The following R3HDM4 variants were observed in gnomAD, a reference collection of about 807,000 sequenced individuals.
R3HDM4 encodes R3H domain containing 4.
In R3HDM4, 30 loss-of-function variants were observed where a neutral mutation model predicts 31.3. The ratio of observed to expected loss-of-function variants is 0.96; its 90% CI spans 0.72 to 1.30. The LOEUF is 1.30. Among genes scored for constraint, R3HDM4 ranks in the 50% most tolerant of loss-of-function variants. The probability of loss-of-function intolerance (pLI) is 0.00; values close to 1 mark genes in which losing one functional copy is unlikely to be tolerated. For synonymous variants in R3HDM4, 196 were observed against 156.6 expected, an observed-to-expected ratio of 1.25 and a Z score of -1.88; for missense variants, 444 against 366.1, an observed-to-expected ratio of 1.21 and a Z score of -1.74.
chr19:902,822 T>G (rs1300964509), intron 1 of R3HDM4, among the ~76,000 whole-genome samples: 1 of 151,750 alleles, frequency 6.6e-6, no homozygotes, highest in East Asian at 1.9e-4. Flanking sequence ...GCGCCTGTAA[T>G]CTCAGCTTAC....
intron 7 of R3HDM4, among the ~76,000 whole-genome samples, chr19:897,966 T>A (rs749234082): frequency 5.3e-5 from 8 of 152,056 alleles, no homozygotes; most frequent in Non-Finnish European, 1.0e-4. Flanking sequence ...TCCCCCTCAC[T>A]GCAGAAAAAT....
intron 1 of R3HDM4, chr19:902,644 T>TA (rs893562163): frequency 6.4e-5 from 9 of 141,674 alleles, no homozygotes; most frequent in South Asian, 2.2e-4. Context: ...CCAAAAAAAA[T>TA]AAAAAAAATT....
At chr19:905,318 G>C (rs1279043425) in intron 1 of R3HDM4, among the ~76,000 whole-genome samples, 1 of 151,722 alleles carries the variant, frequency 6.6e-6, no homozygotes, top group Non-Finnish European at 1.5e-5. Flanking sequence ...CCAACATGGA[G>C]ACACCCCCAT....
At chr19:897,752 C>T (rs867076631) in intron 7 of R3HDM4, among the ~76,000 whole-genome samples, 5 of 152,230 alleles carry the variant, frequency 3.3e-5, no homozygotes, top group Non-Finnish European at 5.9e-5. Flanking sequence ...GCACTCTCCT[C>T]GGGCCCATCT....
chr19:900,417 A>C (rs1401824686), intron 4 of R3HDM4, among the ~76,000 whole-genome samples: 1 of 130,656 alleles, frequency 7.7e-6, no homozygotes, highest in Non-Finnish European at 1.6e-5. Context: ...AGGCCCACAC[A>C]AGCCAGCTAG....
chr19:901,461 G>T lies in R3HDM4; in HGVS notation c.312C>A (p.Gly104=). ...DGDLAPPASP[G]IFAEACNNAT... ...CGTTGTTGCAGGCCTCGGCAAAGAT[G>T]CCTGGTGATGCAGGGGGTGCCAAGT... Residue 104 remains glycine (G), a synonymous_variant, in exon 3 of 8, where the codon GGC becomes GGA. Transcript: ENST00000361574. 1 of 1,609,268 alleles carries T rather than the reference G, an allele frequency of 6.2e-7. No homozygotes were observed.
chr19:898,897 G>A (rs113209450), intron 7 of R3HDM4, among the ~76,000 whole-genome samples: 1,810 of 152,284 alleles, frequency 0.012, 21 homozygotes, highest in Middle Eastern at 0.034. Context: ...AACTCCAGGC[G>A]GGGCGGCAGA....
At chr19:906,283 G>A (rs1217839323) in intron 1 of R3HDM4, among the ~76,000 whole-genome samples, 14 of 144,812 alleles carry the variant, frequency 9.7e-5, no homozygotes, top group Admixed American at 2.8e-4. Flanking sequence ...TCACTGGCTC[G>A]ATCTCAGCTC....
intron 1 of R3HDM4, among the ~76,000 whole-genome samples, chr19:910,990 G>A (rs569171121): frequency 6.6e-6 from 1 of 151,902 alleles, no homozygotes; most frequent in Admixed American, 6.6e-5. Flanking sequence ...GCGCGGTGGC[G>A]GGCACCTGTA....
rs778618754 is a variant in R3HDM4 at position 900,171 on chromosome 19, C to T, written c.476-25G>A. The T allele has an allele frequency of 9.1e-6, 14 of 1,539,354 alleles. No individual in the cohort carries two copies. The South Asian group carries it at 1.7e-4, about 19-fold the overall frequency. ...TCTGCAGGAGTGGGGGAACAAGGGGCAGTCTTGGGGTGCTCGTCCTGGCCC... is the reference window on the plus strand; with the variant it reads ...TCTGCAGGAGTGGGGGAACAAGGGGTAGTCTTGGGGTGCTCGTCCTGGCCC... On this transcript the variant is annotated intron_variant, in intron 4 of 7. Transcript: ENST00000361574.
At chr19:912,012 C>T in intron 1 of R3HDM4, among the ~76,000 whole-genome samples, 1 of 147,510 alleles carries the variant, frequency 6.8e-6, no homozygotes, top group Non-Finnish European at 1.5e-5. Flanking sequence ...GGGCCCAGGA[C>T]CCTCTGGCGG....
At chr19:903,931 A>G (rs1039979620) in intron 1 of R3HDM4, among the ~76,000 whole-genome samples, 16 of 152,164 alleles carry the variant, frequency 1.1e-4, no homozygotes, top group East Asian at 1.9e-4. Context: ...GGCACCTGTA[A>G]TCCCAGCTAC....
intron 1 of R3HDM4, 86 bp from the exon 2 acceptor site, chr19:902,216 G>A: frequency 2.7e-6 from 4 of 1,500,830 alleles, no homozygotes; most frequent in Non-Finnish European, 3.6e-6. Context: ...GGCCCGCTTG[G>A]TTTCCCCCAG....
intron 1 of R3HDM4, among the ~76,000 whole-genome samples, chr19:912,630 G>T: frequency 1.0e-5 from 1 of 95,594 alleles, no homozygotes; most frequent in African/African-American, 4.1e-5. Context: ...TGGGGGCGCG[G>T]ACCGGAGAGT....
chr19:898,790 C>T (rs559127302), intron 7 of R3HDM4, among the ~76,000 whole-genome samples: 4 of 152,212 alleles, frequency 2.6e-5, no homozygotes, highest in Admixed American at 6.5e-5. Flanking sequence ...CAGCCAAGGC[C>T]GGATGTTCTG....
rs561342640 is a variant in R3HDM4 at position 901,026 on chromosome 19, C to T, written c.352-74G>A. The T allele has an allele frequency of 5.0e-4, 737 of 1,480,480 alleles. 2 individuals are homozygous for T. Among genetic ancestry groups the T allele is most frequent in the Non-Finnish European group, 4.6e-4 (515 of 1,110,378 alleles). 91.7% of individuals were successfully genotyped at this position (1,480,480 alleles called of 1,614,324 possible). A position where few individuals can be genotyped will look rare whatever the true frequency, so the allele number is the denominator to read the frequency against. On this transcript the variant is annotated intron_variant, in intron 3 of 7. Coordinates refer to ENST00000361574, the MANE Select transcript of R3HDM4 (RefSeq NM_138774.4). The stretch of plus-strand genomic sequence containing the variant: ...GCTGACATCCCCGGGCAAATGGGCA[C>T]GGTAAGGCCGCCAAGCACGTGGACG...
chr19:900,253 C>A, intron 4 of R3HDM4, 107 bp from the exon 5 acceptor site: 1 of 794,818 alleles, frequency 1.3e-6, no homozygotes, highest in Admixed American at 3.0e-5. Flanking sequence ...TGTGCCTTGG[C>A]CTCTCCTGCC....
At chr19:900,503 A>G (rs1447713116) in intron 4 of R3HDM4, among the ~76,000 whole-genome samples, 1 of 116,254 alleles carries the variant, frequency 8.6e-6, no homozygotes, top group African/African-American at 3.4e-5. Flanking sequence ...CGCCCCATCC[A>G]TATCCTACCT....
At chr19:898,846 G>A (rs987779148) in intron 7 of R3HDM4, among the ~76,000 whole-genome samples, 2 of 152,162 alleles carry the variant, frequency 1.3e-5, no homozygotes, top group Non-Finnish European at 2.9e-5. Flanking sequence ...AGGGAACAGA[G>A]GGAGGCATCG....
Sources: gnomAD v4.1 joint callset for allele counts (sites outside exome capture counted in the v4.1 genomes callset) on GRCh38, gnomAD v4.1.1 for gene constraint, MANE v1.5 for transcripts, NCBI Gene and HGNC (gene_info 2026-07-23, HGNC 2026-07-21) for gene names.